Variants in TTC21A observed in about 807,000 individuals in gnomAD.
The protein encoded by TTC21A is tetratricopeptide repeat domain 21A, also known as tetratricopeptide repeat protein 21A.
A neutral mutation model predicts 156.4 loss-of-function variants in TTC21A; 128 were observed. The ratio of observed to expected loss-of-function variants is 0.82; its 90% CI spans 0.71 to 0.95. TTC21A has a LOEUF of 0.95. TTC21A is among the 40% of genes least tolerant of loss of function. The pLI, the probability that TTC21A is intolerant of heterozygous loss-of-function variation, is 0.00. For synonymous variants in TTC21A, 587 were observed against 617.1 expected (o/e 0.95, Z 0.72); for missense variants, 1,435 against 1,602.3 (o/e 0.90, Z 1.78).
In TTC21A at chr3:39,138,283, A is replaced by G. The variant is rs576668146; in HGVS notation, c.3692A>G (p.Tyr1231Cys). ...TCCCTGCAGTCCTGCTACAAGGCCT[A>G]TGAGTACATGGGCTTCATCATGGAG... ...VQYNKSCYKA[Y>C]EYMGFIMEKE... The change falls in exon 27 of 29, where the codon TAT (tyrosine) becomes TGT (cysteine). Residue 1231 changes from tyrosine to cysteine, a missense_variant. Transcript: ENST00000683103. 7.4e-6 allele frequency: 12 copies of G among 1,614,168 alleles called. No homozygotes were observed. Among genetic ancestry groups the G allele is most frequent in the Middle Eastern group, 1.6e-4 (1 of 6,062 alleles).
chr3:39,109,229 G>T lies in TTC21A; in HGVS notation c.157+15G>T. On this transcript the variant is annotated intron_variant, in intron 2 of 28. Coordinates refer to ENST00000683103, the MANE Select transcript of TTC21A (RefSeq NM_001366900.1). The stretch of plus-strand genomic sequence containing the variant: ...CCTCAAAGAAGGTAAGGACTTGGCA[G>T]TGTTGGTCTTGTGACCCCAGGCACT... 1 of 1,606,030 alleles carries T rather than the reference G, an allele frequency of 6.2e-7. No individual in the cohort carries two copies. The highest frequency in any genetic ancestry group is 8.5e-7 in the Non-Finnish European group (1 of 1,173,220).
intron 23 of TTC21A, 77 bp from the exon 24 acceptor site, chr3:39,136,822 A>G: frequency 1.9e-6 from 3 of 1,547,564 alleles, no homozygotes; most frequent in Non-Finnish European, 2.6e-6. Context: ...GCAGACTCAC[A>G]AAGTGGTCCT....
intron 11 of TTC21A, among the ~76,000 whole-genome samples, 188 bp downstream of exon 11, chr3:39,125,720 T>G (rs1004173389): frequency 3.3e-5 from 5 of 152,174 alleles, no homozygotes; most frequent in Non-Finnish European, 7.4e-5. Context: ...GGGAGGTTGT[T>G]CCAGTACAGA....
chr3:39,125,264 C>T (rs2038127342), intron 10 of TTC21A, 68 bp from the exon 11 acceptor site: 3 of 1,566,964 alleles, frequency 1.9e-6, no homozygotes, highest in Non-Finnish European at 2.6e-6. Context: ...TGGACCTTCA[C>T]TTTGCCCTTG....
rs1273755452 is a variant in TTC21A, at chr3:39,132,874, AG to A, written c.2563-177del. ...TGCTCCTGCCCCCAGAGGCAGTGCC[AG>A]CTTGCCTCATGTGTACTCAGCCAGT... is the stretch of plus-strand genomic sequence containing the variant. On this transcript the variant is annotated intron_variant, in intron 19 of 28. Transcript: ENST00000683103. 9.1e-5 allele frequency: 58 copies of A among 634,532 alleles called. No individual in the cohort carries two copies. In the Admixed American group the frequency reaches 1.5e-3, roughly 17 times the overall value. 39.3% of individuals were successfully genotyped at this position (634,532 alleles called of 1,614,324 possible). A position where few individuals can be genotyped will look rare whatever the true frequency, so the allele number is the denominator to read the frequency against.
intron 11 of TTC21A, among the ~76,000 whole-genome samples, 185 bp from the exon 12 acceptor site, chr3:39,126,076 A>C (rs957773306): frequency 6.6e-6 from 1 of 152,234 alleles, no homozygotes; most frequent in Non-Finnish European, 1.5e-5. Context: ...CTGGGGACAC[A>C]ACAGTGAACA....
Position 39,138,609 on chromosome 3 carries a change from G to A in TTC21A, c.3850G>A (p.Glu1284Lys), listed in dbSNP as rs80238762. Residue 1284 changes from glutamate (E) to lysine (K), a missense_variant, in exon 28 of 29, where the codon GAA becomes AAA. Glu to Lys is a moderately conservative substitution (Grantham distance 56). Transcript: ENST00000683103. ...LKDKKFVEAI[E>K]ICNDVLREHP... ...GGACAAGAAATTTGTGGAGGCCATT[G>A]AAATCTGCAACGATGTAAGCCAGCA... 17,372 of 1,614,190 alleles carry A rather than the reference G, an allele frequency of 0.011. 129 individuals carry two copies. Among genetic ancestry groups the A allele is most frequent in the Non-Finnish European group, 0.013 (15,149 of 1,180,028 alleles).
Position 39,138,543 on chromosome 3 carries a change from A to G in TTC21A, c.3797-13A>G, listed in dbSNP as rs1575570542. 6.2e-7 allele frequency: 1 copy of G among 1,614,130 alleles called. No individual in the cohort carries two copies. The highest frequency in any genetic ancestry group is 1.1e-5 in the South Asian group (1 of 91,076). ...CAGGGTGCCACCATCTTTGCTCTCC[A>G]TGTCCCCGGTAGGCTTCAAACTTGC... is the stretch of plus-strand genomic sequence containing the variant. On this transcript the variant is annotated splice_polypyrimidine_tract_variant and intron_variant, in intron 27 of 28. Coordinates refer to ENST00000683103, the MANE Select transcript of TTC21A (RefSeq NM_001366900.1).
At chr3:39,124,401 T>C (rs1195292013) in intron 9 of TTC21A, among the ~76,000 whole-genome samples, 1 of 152,142 alleles carries the variant, frequency 6.6e-6, no homozygotes, top group Non-Finnish European at 1.5e-5. Context: ...GGCTCATGCC[T>C]GTAATCCTAG....
chr3:39,129,250 A>G lies in TTC21A; in HGVS notation c.2075A>G (p.Lys692Arg). 5.0e-6 allele frequency: 8 copies of G among 1,614,254 alleles called. No homozygotes were observed. The highest frequency in any genetic ancestry group is 6.8e-6 in the Non-Finnish European group (8 of 1,180,044). ...KQSCYMEARE[K>R]MANIYLQTLR... ...TCCTGCTATATGGAAGCCAGAGAGA[A>G]GATGGCCAACATCTACCTGCAGACC... Residue 692 changes from lysine to arginine, a missense_variant, in exon 15 of 29, where the codon AAG becomes AGG. Coordinates refer to ENST00000683103, the MANE Select transcript of TTC21A (RefSeq NM_001366900.1).
rs1484122807 is a variant in TTC21A, at chr3:39,137,223, C to T, written c.3286C>T (p.Gln1096Ter). Residue 1096 changes from glutamine (Q) to a stop codon, truncating the protein, a stop_gained, in exon 25 of 29, where the codon CAG (glutamine) becomes TAG (stop). Coordinates refer to ENST00000683103, the MANE Select transcript of TTC21A (RefSeq NM_001366900.1). LOFTEE classifies it high-confidence loss of function. ...CATGGAGAAGAAGGAGTTGGAGCAG[C>T]AGGGTGTGAGCACCGCCGAGAAACT... ...NYMEKKELEQ[Q>*]GVSTAEKLLR... 2 of 1,613,810 alleles carry T rather than the reference C, an allele frequency of 1.2e-6. No homozygotes were observed. The highest frequency in any genetic ancestry group is 1.7e-5 in the Admixed American group (1 of 59,984).
intron 6 of TTC21A, among the ~76,000 whole-genome samples, chr3:39,117,226 TTTG>T: frequency 6.6e-6 from 1 of 152,370 alleles, no homozygotes; most frequent in Admixed American, 6.5e-5. Context: ...TGTTGCAGTT[TTTG>T]TTAATTCTCA....
At chr3:39,112,231 G>T (rs1051449093) in intron 4 of TTC21A, among the ~76,000 whole-genome samples, 2 of 152,206 alleles carry the variant, frequency 1.3e-5, no homozygotes, top group African/African-American at 4.8e-5. Context: ...ATGGACATTA[G>T]GTGAAGGGGT....
chr3:39,136,342 T>A lies in TTC21A; in HGVS notation c.2945-15T>A, dbSNP rs752026424. On this transcript the variant is annotated splice_polypyrimidine_tract_variant and intron_variant, in intron 22 of 28. Coordinates refer to ENST00000683103, the MANE Select transcript of TTC21A (RefSeq NM_001366900.1). ...CTGGGCATTTCAGCCTGGAGATTTC[T>A]GTCTCTTATTTTAGACAATTTTTTG... The A allele has an allele frequency of 6.2e-7, 1 of 1,607,218 alleles. No homozygotes were observed. Among genetic ancestry groups the A allele is most frequent in the Non-Finnish European group, 8.5e-7 (1 of 1,175,770 alleles).
chr3:39,110,868 G>A lies in TTC21A; in HGVS notation c.286G>A (p.Glu96Lys). ...ATTTACAGACCGAGAAGCAATTCAGGAGCTTGAGTACAGCCTGAAGGAAAT... is the reference window on the plus strand; with the variant it reads ...ATTTACAGACCGAGAAGCAATTCAGAAGCTTGAGTACAGCCTGAAGGAAAT... ...CEIIDREAIQ[E>K]LEYSLKEIRK... The change falls in exon 4 of 29, where the codon GAG (glutamate) becomes AAG (lysine). Residue 96 changes from glutamate to lysine, a missense_variant. Physicochemically the swap from Glu to Lys is moderately conservative, Grantham distance 56 (BLOSUM62 1). Coordinates refer to ENST00000683103, the MANE Select transcript of TTC21A (RefSeq NM_001366900.1). 3 of 1,613,940 alleles carry A rather than the reference G, an allele frequency of 1.9e-6. No homozygotes were observed. Among genetic ancestry groups the A allele is most frequent in the Non-Finnish European group, 2.5e-6 (3 of 1,180,002 alleles).
chr3:39,107,925 C>A, intron 1 of TTC21A, 61 bp downstream of exon 1: 1 of 1,593,994 alleles, frequency 6.3e-7, no homozygotes, highest in South Asian at 1.1e-5. Context: ...GACCCAGAGA[C>A]CGTCTGCCCT....
chr3:39,136,923 C>T lies in TTC21A; in HGVS notation c.3120C>T (p.Ala1040=), dbSNP rs761521846. 11 of 1,614,084 alleles carry T rather than the reference C, an allele frequency of 6.8e-6. No individual in the cohort carries two copies. The highest frequency in any genetic ancestry group is 9.3e-6 in the Non-Finnish European group (11 of 1,180,042). ...YCWHIGQPNE[A]LKFLNKARKD... ...GGCACATAGGGCAGCCCAACGAAGCCTTAAAGTTCCTGAACAAGGCACGCA... is the reference window on the plus strand; with the variant it reads ...GGCACATAGGGCAGCCCAACGAAGCTTTAAAGTTCCTGAACAAGGCACGCA... The change falls in exon 24 of 29, where the codon GCC becomes GCT. Residue 1040 remains alanine (A), a synonymous_variant. Transcript: ENST00000683103.
chr3:39,134,329 G>C lies in TTC21A; in HGVS notation c.2862+1G>C. On this transcript the variant is annotated splice_donor_variant, in intron 21 of 28. Transcript: ENST00000683103. LOFTEE classifies it high-confidence loss of function. This position sits in a 1 kb window ranked among gnomAD's most constrained non-coding sequence, Gnocchi z 4.6. ...GCAGAACCATGAGACCGCTTCTGTG[G>C]TAGGAAGCCCCCAGCACCCACTCCC... is the stretch of plus-strand genomic sequence containing the variant. 6.2e-7 allele frequency: 1 copy of C among 1,606,444 alleles called. No individual in the cohort carries two copies. The highest frequency in any genetic ancestry group is 8.5e-7 in the Non-Finnish European group (1 of 1,173,066).
In TTC21A at chr3:39,138,158, C is replaced by T. The variant is rs760009185; in HGVS notation, c.3676-109C>T. ...CCCTTGGCAGTTTGGTTTATGGCAGCTCACTTCTGTCCCTTGCCTGCTTCT... is the reference window on the plus strand; with the variant it reads ...CCCTTGGCAGTTTGGTTTATGGCAGTTCACTTCTGTCCCTTGCCTGCTTCT... On this transcript the variant is annotated intron_variant, in intron 26 of 28. Coordinates refer to ENST00000683103, the MANE Select transcript of TTC21A (RefSeq NM_001366900.1). 14 of 1,534,050 alleles carry T rather than the reference C, an allele frequency of 9.1e-6. No individual in the cohort carries two copies. In the African/African-American group the frequency reaches 1.8e-4, roughly 20 times the overall value.
Sources: gnomAD v4.1 joint callset for allele counts (sites outside exome capture counted in the v4.1 genomes callset) on GRCh38, gnomAD v4.1.1 for gene constraint, Gnocchi (gnomAD v3.1) non-coding constraint, MANE v1.5 for transcripts, NCBI Gene and HGNC (gene_info 2026-07-23, HGNC 2026-07-21) for gene names.